PEAR1: variants seen among roughly 807,000 people sequenced by gnomAD.
PEAR1 encodes the protein platelet endothelial aggregation receptor 1.
Under a neutral mutation model 131.2 loss-of-function variants are expected in PEAR1, and 113 were observed. The observed-to-expected ratio is 0.86, with a 90% confidence interval of 0.74 to 1.01. PEAR1 has a LOEUF of 1.01. PEAR1 is among the 50% of genes least tolerant of loss of function. The pLI is 0.00. For synonymous variants in PEAR1, 565 were observed against 523.3 expected, an observed-to-expected ratio of 1.08 and a Z score of -1.09; for missense variants, 1,408 against 1,391.1, an observed-to-expected ratio of 1.01 and a Z score of -0.19.
In PEAR1 at chr1:156,908,050, C is replaced by G. The variant is rs551932842; in HGVS notation, c.901C>G (p.Arg301Gly). The G allele has an allele frequency of 8.3e-6, 8 of 963,570 alleles. No homozygotes were observed. The highest frequency in any genetic ancestry group is 3.0e-5 in the East Asian group (1 of 33,670). The allele number at this position is 963,570 out of a possible 1,614,324, so 59.7% of individuals were successfully genotyped here. A position where few individuals can be genotyped will look rare whatever the true frequency, so the allele number is the denominator to read the frequency against. Residue 301 changes from arginine to glycine, a missense_variant and splice_region_variant, in exon 8 of 23, where the codon CGG becomes GGG. By Grantham distance (125) the Arg-to-Gly change is moderately radical. Coordinates refer to ENST00000292357, the MANE Select transcript of PEAR1 (RefSeq NM_001080471.3). This position sits in a 1 kb window ranked among gnomAD's most constrained non-coding sequence, Gnocchi z 4.2. ...CTGCGCTCCGGGTTACACTGGGGATCGGTGAGTGGCGTGGGGCGGGCGGGA... is the reference window on the plus strand; with the variant it reads ...CTGCGCTCCGGGTTACACTGGGGATGGGTGAGTGGCGTGGGGCGGGCGGGA... ...CRCAPGYTGD[R>G]CREECPVGRF...
At position 156,908,067 on chromosome 1, in the gene PEAR1, C is replaced by T. The variant is rs374718760; in HGVS notation, c.902+16C>T. The T allele has an allele frequency of 6.8e-6, 5 of 736,158 alleles. No individual in the cohort carries two copies. The highest frequency in any genetic ancestry group is 1.1e-5 in the Non-Finnish European group (5 of 438,016). The allele number at this position is 736,158 out of a possible 1,614,324, so 45.6% of individuals were successfully genotyped here. On this transcript the variant is annotated intron_variant, in intron 8 of 22. Transcript: ENST00000292357. The surrounding 1 kb of genome is among the most constrained non-coding windows in gnomAD (Gnocchi z 4.2). ...CTGGGGATCGGTGAGTGGCGTGGGG[C>T]GGGCGGGAGACGGGAGGGAGGAGGT...
chr1:156,907,874 G>A (rs1165513864), intron 7 of PEAR1, 41 bp from the exon 8 acceptor site: 6 of 1,596,012 alleles, frequency 3.8e-6, no homozygotes, highest in Non-Finnish European at 5.1e-6. Context: ...TTGGGGAGGA[G>A]GCTGGGTGCC....
rs1651598191 is a variant in PEAR1 at position 156,914,036 on chromosome 1, G to A, written c.2898G>A (p.Arg966=). 1 of 1,609,800 alleles carries A rather than the reference G, an allele frequency of 6.2e-7. No individual in the cohort carries two copies. Among genetic ancestry groups the A allele is most frequent in the Non-Finnish European group, 8.5e-7 (1 of 1,178,234 alleles). ...CTCCTCAGTTCTGGGACAGCCAGAG[G>A]CGGCGGCAACCCCAGCCACAGAGAG... is the stretch of plus-strand genomic sequence containing the variant. The part of the protein sequence containing the change: ...RQPPQFWDSQ[R]RRQPQPQRDS... The change falls in exon 22 of 23, where the codon AGG becomes AGA. Residue 966 remains arginine (R), a synonymous_variant. Transcript: ENST00000292357.
At chr1:156,901,516 A>G (rs748770163) in intron 1 of PEAR1, among the ~76,000 whole-genome samples, 2 of 152,204 alleles carry the variant, frequency 1.3e-5, no homozygotes, top group Non-Finnish European at 2.9e-5. Flanking sequence ...AGTTTTGTCC[A>G]TGCCACCACG....
intron 4 of PEAR1, 55 bp from the exon 5 acceptor site, chr1:156,906,221 A>C (rs1650278732): frequency 1.6e-5 from 25 of 1,548,802 alleles, no homozygotes; most frequent in Non-Finnish European, 2.0e-5. Context: ...TTGCAGGATA[A>C]AAGCTGGGTA....
intron 1 of PEAR1, among the ~76,000 whole-genome samples, chr1:156,899,640 A>G (rs56106044): frequency 0.14 from 20,944 of 152,168 alleles, 1,600 homozygotes; most frequent in East Asian, 0.35. Context: ...GGGACTGAGA[A>G]TGCTATCATG....
In PEAR1 at chr1:156,902,717, C is replaced by T. The variant is rs1218262177; in HGVS notation, c.-9-1201C>T. Among the ~76,000 whole-genome samples, 1 of 152,064 alleles carries T rather than the reference C, an allele frequency of 6.6e-6. No homozygotes were observed. The highest frequency in any genetic ancestry group is 1.5e-5 in the Non-Finnish European group (1 of 68,018). On this transcript the variant is annotated intron_variant, in intron 1 of 22. Coordinates refer to ENST00000292357, the MANE Select transcript of PEAR1 (RefSeq NM_001080471.3). The surrounding 1 kb of genome is among the most constrained non-coding windows in gnomAD (Gnocchi z 4.3). Reference sequence around the variant, plus strand: ...AAATTATAAGCAGATGTGGGCGCCTCGGGGAGGCGTAGAGCAGGGAGCCAG... The same window carrying T: ...AAATTATAAGCAGATGTGGGCGCCTTGGGGAGGCGTAGAGCAGGGAGCCAG...
Position 156,910,287 on chromosome 1 carries a change from A to G in PEAR1, c.1732A>G (p.Asn578Asp). 6.2e-7 allele frequency: 1 copy of G among 1,613,580 alleles called. No homozygotes were observed. Among genetic ancestry groups the G allele is most frequent in the Non-Finnish European group, 8.5e-7 (1 of 1,179,770 alleles). ...PEGLWGVNCS[N>D]TCTCKNGGTC... ...GGGCTTATGGGGAGTCAACTGTAGC[A>G]ACACCTGCACCTGCAAGAATGGGGG... The change falls in exon 14 of 23, where the codon AAC becomes GAC. Residue 578 changes from asparagine to aspartate, a missense_variant. Transcript: ENST00000292357.
chr1:156,901,422 G>A (rs942616199), intron 1 of PEAR1, among the ~76,000 whole-genome samples: 8 of 152,232 alleles, frequency 5.3e-5, no homozygotes, highest in African/African-American at 1.9e-4. Flanking sequence ...AGGAATGGGA[G>A]GAAGGACCTT....
chr1:156,905,708 T>C (rs1650226141), intron 4 of PEAR1, among the ~76,000 whole-genome samples: 1 of 152,148 alleles, frequency 6.6e-6, no homozygotes, highest in South Asian at 2.1e-4. Context: ...GCCCTAGAGC[T>C]CTTGTTCTGT....
At chr1:156,911,895 T>C (rs1651248769) in intron 15 of PEAR1, among the ~76,000 whole-genome samples, 2 of 152,334 alleles carry the variant, frequency 1.3e-5, no homozygotes, top group South Asian at 4.1e-4. Flanking sequence ...AAATAATGCC[T>C]TAAACAGGAC....
At chr1:156,900,225 C>T (rs950626533) in intron 1 of PEAR1, among the ~76,000 whole-genome samples, 6 of 152,104 alleles carry the variant, frequency 3.9e-5, no homozygotes, top group East Asian at 1.9e-4. Flanking sequence ...ATTTGCATCT[C>T]GAGGTGGAGG....
chr1:156,907,153 G>A (rs531255169), intron 6 of PEAR1, among the ~76,000 whole-genome samples: 1 of 152,336 alleles, frequency 6.6e-6, no homozygotes, highest in Admixed American at 6.5e-5. Flanking sequence ...GCACGTGTGT[G>A]AAGGCATGCT....
rs751329083 is a variant in PEAR1 at position 156,905,443 on chromosome 1, T to C, written c.307+19T>C. The C allele has an allele frequency of 6.9e-6, 11 of 1,587,274 alleles. No individual in the cohort carries two copies. The highest frequency in any genetic ancestry group is 9.4e-6 in the Non-Finnish European group (11 of 1,167,632). On this transcript the variant is annotated intron_variant, in intron 4 of 22. Coordinates refer to ENST00000292357, the MANE Select transcript of PEAR1 (RefSeq NM_001080471.3). ...TGTGTCCGTGAGTCCAGGGTTGGGT[T>C]AGGGAGCGGGGTGGGGCAATGGAAT...
intron 12 of PEAR1, 36 bp downstream of exon 12, chr1:156,909,950 G>A: frequency 2.5e-6 from 4 of 1,611,936 alleles, no homozygotes; most frequent in Non-Finnish European, 3.4e-6. Context: ...TGGGGGTGGG[G>A]AGGGCATGGC....
rs1651798093 is a variant in PEAR1, at chr1:156,915,652, C to T, written c.*854C>T. 1 of 152,264 alleles carries T rather than the reference C, an allele frequency of 6.6e-6. No homozygotes were observed. The highest frequency in any genetic ancestry group is 1.5e-5 in the Non-Finnish European group (1 of 68,056). The allele number at this position is 152,264 out of a possible 1,614,324, so 9.4% of individuals were successfully genotyped here. A position where few individuals can be genotyped will look rare whatever the true frequency, so the allele number is the denominator to read the frequency against. ...CCCTGATTGCAGCTGTGTTCACTCA[C>T]CAGGTACCTGCAGAAGGCCTACAGG... On this transcript the variant is annotated 3_prime_UTR_variant, in exon 23 of 23. Coordinates refer to ENST00000292357, the MANE Select transcript of PEAR1 (RefSeq NM_001080471.3).
rs1408489089 is a variant in PEAR1, at chr1:156,899,921, C to T, written c.-9-3997C>T. ...GAAGTCCCTTCTGCTGTCTCACTTC[C>T]GTCACCCTTACTCTCTGCTTTCTAT... On this transcript the variant is annotated intron_variant, in intron 1 of 22. Coordinates refer to ENST00000292357, the MANE Select transcript of PEAR1 (RefSeq NM_001080471.3). Among the ~76,000 whole-genome samples, 4 of 152,138 alleles carry T rather than the reference C, an allele frequency of 2.6e-5. No individual in the cohort carries two copies. In the East Asian group the frequency reaches 5.8e-4, roughly 22 times the overall value.
In PEAR1 at chr1:156,909,995, CCTT is replaced by C; in HGVS notation, c.1576-8_1576-6del. 1 of 1,613,394 alleles carries C rather than the reference CCTT, an allele frequency of 6.2e-7. No homozygotes were observed. The highest frequency in any genetic ancestry group is 8.5e-7 in the Non-Finnish European group (1 of 1,180,018). On this transcript the variant is annotated splice_polypyrimidine_tract_variant and splice_region_variant and intron_variant, in intron 12 of 22. Coordinates refer to ENST00000292357, the MANE Select transcript of PEAR1 (RefSeq NM_001080471.3). ...CTGACTGGCCTACCTGCTCCCCACT[CCTT>C]CTCCAAGAAGGGGCAGTTTGGAGAA...
intron 1 of PEAR1, among the ~76,000 whole-genome samples, chr1:156,898,270 G>A (rs756328748): frequency 1.2e-4 from 19 of 152,148 alleles, no homozygotes; most frequent in Admixed American, 7.2e-4. Context: ...CCCTGCAGCT[G>A]CCCCATTTCC....
Sources: gnomAD v4.1 joint callset for allele counts (sites outside exome capture counted in the v4.1 genomes callset) on GRCh38, gnomAD v4.1.1 for gene constraint, Gnocchi (gnomAD v3.1) non-coding constraint, MANE v1.5 for transcripts, NCBI Gene and HGNC (gene_info 2026-07-23, HGNC 2026-07-21) for gene names.